Variants in FGF14 observed in about 807,000 individuals in gnomAD.
FGF14 encodes fibroblast growth factor homologous factor 4.
In FGF14, 5 loss-of-function variants were observed where a neutral mutation model predicts 25.5. The observed-to-expected ratio is 0.20, with a 90% confidence interval of 0.10 to 0.41. The LOEUF (loss-of-function observed/expected upper bound fraction) is 0.41. Among genes scored for constraint, FGF14 ranks in the 10% least tolerant of loss-of-function variants. FGF14 has a pLI of 1.00. For synonymous variants in FGF14, 138 were observed against 118.3 expected, an observed-to-expected ratio of 1.17 and a Z score of -1.08; for missense variants, 222 against 320.1, an observed-to-expected ratio of 0.69 and a Z score of 2.34.
At chr13:102,336,606 G>T (rs917094327) in intron 1 of FGF14, among the ~76,000 whole-genome samples, 2 of 152,194 alleles carry the variant, frequency 1.3e-5, no homozygotes, top group South Asian at 4.1e-4. Context: ...CTAAACAACA[G>T]ATTTTTAATG....
At chr13:101,958,219 G>A (rs2139438141) in intron 1 of FGF14, among the ~76,000 whole-genome samples, 1 of 152,276 alleles carries the variant, frequency 6.6e-6, no homozygotes, top group South Asian at 2.1e-4. Flanking sequence ...AATTTATAAA[G>A]GAAGGTGTTT....
At chr13:101,778,257 G>A (rs1273152738) in intron 3 of FGF14, among the ~76,000 whole-genome samples, 4 of 152,104 alleles carry the variant, frequency 2.6e-5, no homozygotes, top group South Asian at 4.1e-4. Flanking sequence ...GAAATCTCAC[G>A]TACATTCTTC....
At chr13:101,886,362 G>T (rs568178867) in intron 1 of FGF14, among the ~76,000 whole-genome samples, 4 of 152,108 alleles carry the variant, frequency 2.6e-5, no homozygotes, top group African/African-American at 9.7e-5. Context: ...CAATGGAACA[G>T]AATAGAGAGC....
At chr13:102,347,642 G>C (rs1448351347) in intron 1 of FGF14, among the ~76,000 whole-genome samples, 1 of 152,160 alleles carries the variant, frequency 6.6e-6, no homozygotes, top group Admixed American at 6.6e-5. Flanking sequence ...CAACTGCCCT[G>C]GCCATGAAAC....
Position 101,798,978 on chromosome 13 carries a change from A to G in FGF14, c.408+69747T>C, listed in dbSNP as rs181786810. ...GTATTCTGCTACTCGGCAGATGTAT[A>G]AATAATTAGAGCATTAATCATTTCT... On this transcript the variant is annotated intron_variant, in intron 3 of 4. Transcript: ENST00000376143. Among the ~76,000 whole-genome samples, 14 of 152,268 alleles carry G rather than the reference A, an allele frequency of 9.2e-5. No individual in the cohort carries two copies. In the East Asian group the frequency reaches 2.1e-3, roughly 23 times the overall value.
chr13:102,216,106 A>T (rs1257308704), intron 1 of FGF14, among the ~76,000 whole-genome samples: 1 of 152,206 alleles, frequency 6.6e-6, no homozygotes, highest in Non-Finnish European at 1.5e-5. Context: ...CTATGAAAGC[A>T]TGGTAAAAGA....
At chr13:102,123,992 A>G (rs777449221) in intron 1 of FGF14, among the ~76,000 whole-genome samples, 4 of 152,190 alleles carry the variant, frequency 2.6e-5, no homozygotes, top group Non-Finnish European at 5.9e-5. Context: ...TTACATGTGA[A>G]TAAAAGATTT....
At chr13:101,872,056 C>A (rs1412311379) in intron 2 of FGF14, among the ~76,000 whole-genome samples, 2 of 151,722 alleles carry the variant, frequency 1.3e-5, no homozygotes, top group Non-Finnish European at 2.9e-5. Flanking sequence ...ATGGTTCTGT[C>A]TTTTTTTCAT....
At chr13:102,345,850 G>A (rs1462472343) in intron 1 of FGF14, among the ~76,000 whole-genome samples, 1 of 152,188 alleles carries the variant, frequency 6.6e-6, no homozygotes, top group East Asian at 1.9e-4. Flanking sequence ...CTGGAAAAGG[G>A]TGTTAATCAG....
intron 1 of FGF14, among the ~76,000 whole-genome samples, chr13:101,982,307 G>A (rs955127590): frequency 6.6e-6 from 1 of 152,108 alleles, no homozygotes; most frequent in East Asian, 1.9e-4. Flanking sequence ...AGATCTAAAA[G>A]TATTTGATTG....
intron 1 of FGF14, among the ~76,000 whole-genome samples, chr13:102,241,965 T>C (rs1389050122): frequency 6.6e-6 from 1 of 152,124 alleles, no homozygotes; most frequent in Non-Finnish European, 1.5e-5. Flanking sequence ...AAATGCTCTC[T>C]TTTGGCTTTA....
chr13:102,305,607 A>T (rs1442937897), intron 1 of FGF14, among the ~76,000 whole-genome samples: 3 of 152,208 alleles, frequency 2.0e-5, no homozygotes, highest in African/African-American at 7.2e-5. Flanking sequence ...TATAAATACA[A>T]GTTTGCTAAA....
intron 1 of FGF14, among the ~76,000 whole-genome samples, chr13:102,346,661 A>C (rs1334541342): frequency 6.6e-6 from 1 of 152,136 alleles, no homozygotes; most frequent in African/African-American, 2.4e-5. Flanking sequence ...TATATCAATA[A>C]AGATGGCTCA....
At chr13:101,928,029 A>T (rs1007272528) in intron 1 of FGF14, among the ~76,000 whole-genome samples, 1 of 152,174 alleles carries the variant, frequency 6.6e-6, no homozygotes, top group Non-Finnish European at 1.5e-5. Context: ...ATATCTAAAA[A>T]AAATAGTCCC....
At chr13:101,800,108 C>T (rs1309658702) in intron 3 of FGF14, among the ~76,000 whole-genome samples, 1 of 152,038 alleles carries the variant, frequency 6.6e-6, no homozygotes, top group Non-Finnish European at 1.5e-5. Flanking sequence ...TTAGAATTTG[C>T]AGACAGAAAG....
At position 101,934,273 on chromosome 13, in the gene FGF14, C is replaced by A. The variant is rs548323992; in HGVS notation, c.209-58977G>T. On this transcript the variant is annotated intron_variant, in intron 1 of 4. Transcript: ENST00000376131. ...GTATATTCGTACATTTTAGTACTAC[C>A]TATCAGTAAAGAAAGCCCAAATCAC... Among the ~76,000 whole-genome samples the A allele has an allele frequency of 2.0e-5, 3 of 152,276 alleles. No homozygotes were observed. In the East Asian group the frequency reaches 5.8e-4, roughly 29 times the overall value.
intron 1 of FGF14, among the ~76,000 whole-genome samples, chr13:102,392,440 C>T (rs1246365394): frequency 6.6e-6 from 1 of 152,052 alleles, no homozygotes; most frequent in East Asian, 1.9e-4. Flanking sequence ...CATTTTTTCC[C>T]AGTCCTAAGG....
chr13:101,961,877 A>G, intron 1 of FGF14, among the ~76,000 whole-genome samples: 1 of 152,136 alleles, frequency 6.6e-6, no homozygotes, highest in Admixed American at 6.6e-5. Context: ...TCCAGTCTCA[A>G]GTATTTCTTC....
At chr13:101,863,134 T>C (rs1169021567) in intron 3 of FGF14, among the ~76,000 whole-genome samples, 1 of 152,158 alleles carries the variant, frequency 6.6e-6, no homozygotes, top group African/African-American at 2.4e-5. Context: ...GTTATAATAA[T>C]TGGAGACATT....
Sources: gnomAD v4.1 joint callset for allele counts (sites outside exome capture counted in the v4.1 genomes callset) on GRCh38, gnomAD v4.1.1 for gene constraint, MANE v1.5 for transcripts, NCBI Gene and HGNC (gene_info 2026-07-23, HGNC 2026-07-21) for gene names.